Variants in PLXDC1 observed in about 807,000 individuals in gnomAD.
The protein encoded by PLXDC1 is plexin domain-containing protein 1.
PLXDC1 carries 39 observed loss-of-function variants against 61.3 expected under a neutral mutation model. The observed-to-expected ratio is 0.64, with a 90% CI of 0.49 to 0.83. The LOEUF (loss-of-function observed/expected upper bound fraction) is 0.83, where lower values mean the gene tolerates loss of function less well. Ranked by LOEUF, PLXDC1 falls within the 40% of genes least tolerant of loss-of-function variation. The pLI is 0.00. For missense variants in PLXDC1, 596 were observed against 666.5 expected (o/e 0.89, Z 1.17); for synonymous variants, 212 against 254.5 (o/e 0.83, Z 1.59).
intron 7 of PLXDC1, among the ~76,000 whole-genome samples, chr17:39,093,782 T>A (rs974379440): frequency 3.3e-5 from 5 of 152,016 alleles, no homozygotes; most frequent in African/African-American, 1.2e-4. Context: ...TGTGTTTGTC[T>A]CCTAAAGAAC....
rs780494929 is a variant in PLXDC1 at position 39,105,837 on chromosome 17, G to T, written c.811+17C>A. ...CCTACCCCCATCAAGGCCTCTGCGG[G>T]GTCCCTGAAGACTCACCTGGCACAT... On this transcript the variant is annotated intron_variant, in intron 7 of 13. Transcript: ENST00000315392. 15 of 1,556,738 alleles carry T rather than the reference G, an allele frequency of 9.6e-6. No homozygotes were observed. The Admixed American group carries it at 2.5e-4, about 26-fold the overall frequency.
chr17:39,065,762 T>C lies in PLXDC1; in HGVS notation c.*2078A>G, dbSNP rs894013429. The C allele has an allele frequency of 6.6e-6, 1 of 152,428 alleles. No homozygotes were observed. The highest frequency in any genetic ancestry group is 1.5e-5 in the Non-Finnish European group (1 of 68,242). 9.4% of individuals were successfully genotyped at this position (152,428 alleles called of 1,614,324 possible). A position where few individuals can be genotyped will look rare whatever the true frequency, so the allele number is the denominator to read the frequency against. Reference sequence around the variant, plus strand: ...TATGGAGTATGACCAGATGGAGACATGGGTCTTGTGGCCGGCCCTGCGACT... The same window carrying C: ...TATGGAGTATGACCAGATGGAGACACGGGTCTTGTGGCCGGCCCTGCGACT... On this transcript the variant is annotated 3_prime_UTR_variant, in exon 14 of 14. Coordinates refer to ENST00000315392, the MANE Select transcript of PLXDC1 (RefSeq NM_020405.5).
At chr17:39,130,092 G>A (rs1350750080) in intron 2 of PLXDC1, among the ~76,000 whole-genome samples, 1 of 152,170 alleles carries the variant, frequency 6.6e-6, no homozygotes, top group Non-Finnish European at 1.5e-5. Context: ...TGGTTGCCAG[G>A]GGTTGGGGTG....
rs1908945401 is a variant in PLXDC1 at position 39,067,651 on chromosome 17, G to A, written c.*189C>T. 1 of 536,984 alleles carries A rather than the reference G, an allele frequency of 1.9e-6. No homozygotes were observed. Among genetic ancestry groups the A allele is most frequent in the Non-Finnish European group, 3.3e-6 (1 of 301,982 alleles). 33.3% of individuals were successfully genotyped at this position (536,984 alleles called of 1,614,324 possible). On this transcript the variant is annotated 3_prime_UTR_variant, in exon 14 of 14. Coordinates refer to ENST00000315392, the MANE Select transcript of PLXDC1 (RefSeq NM_020405.5). ...GTTGTTCCTATAAAAAATCCATGTG[G>A]TTGTTTTTTGGCCCCCTCTTCAATA...
At chr17:39,125,709 A>G (rs1442343334) in intron 2 of PLXDC1, among the ~76,000 whole-genome samples, 1 of 152,164 alleles carries the variant, frequency 6.6e-6, no homozygotes, top group African/African-American at 2.4e-5. Flanking sequence ...GTCACATTTC[A>G]TGATATCAAA....
intron 7 of PLXDC1, among the ~76,000 whole-genome samples, chr17:39,090,266 A>G (rs762829964): frequency 6.6e-5 from 10 of 152,170 alleles, no homozygotes; most frequent in Non-Finnish European, 1.2e-4. Context: ...ATGTCATTCC[A>G]TGCAGTGAAA....
At chr17:39,121,015 AT>A (rs1402673287) in intron 2 of PLXDC1, among the ~76,000 whole-genome samples, 3 of 151,924 alleles carry the variant, frequency 2.0e-5, no homozygotes, top group Non-Finnish European at 2.9e-5. Flanking sequence ...TAATTTTTAA[AT>A]TTTTTGTAGA....
At position 39,101,499 on chromosome 17, in the gene PLXDC1, A is replaced by T. The variant is rs149399589; in HGVS notation, c.811+4355T>A. On this transcript the variant is annotated intron_variant, in intron 7 of 13. Coordinates refer to ENST00000315392, the MANE Select transcript of PLXDC1 (RefSeq NM_020405.5). ...AAAAAGGGAGACGGAGAAGAAGGGAAGGGAGGGTGAGGTGCGAGCCCCACA... is the reference window on the plus strand; with the variant it reads ...AAAAAGGGAGACGGAGAAGAAGGGATGGGAGGGTGAGGTGCGAGCCCCACA... 2.7e-3 allele frequency among the ~76,000 whole-genome samples: 412 copies of T among 152,282 alleles called. 2 individuals carry two copies. The highest frequency in any genetic ancestry group is 9.6e-3 in the African/African-American group (398 of 41,550).
intron 2 of PLXDC1, among the ~76,000 whole-genome samples, chr17:39,123,834 C>G (rs1008625844): frequency 6.6e-6 from 1 of 152,168 alleles, no homozygotes; most frequent in Non-Finnish European, 1.5e-5. Flanking sequence ...CACAGTCGGC[C>G]CATCACCTGC....
At chr17:39,095,797 T>C (rs946628837) in intron 7 of PLXDC1, among the ~76,000 whole-genome samples, 1 of 152,076 alleles carries the variant, frequency 6.6e-6, no homozygotes. Flanking sequence ...CCCGAGGAGC[T>C]GGGATTACAG....
At chr17:39,102,832 G>A (rs571122892) in intron 7 of PLXDC1, among the ~76,000 whole-genome samples, 11 of 152,070 alleles carry the variant, frequency 7.2e-5, no homozygotes, top group South Asian at 6.2e-4. Context: ...GAGAGATGGC[G>A]AACTGAGAGA....
At chr17:39,152,382 T>C (rs2045379926), upstream of PLXDC1, 11 of 570,010 alleles carry the variant, frequency 1.9e-5, no homozygotes, top group Non-Finnish European at 2.9e-5. Flanking sequence ...GACGAGGAAA[T>C]GGCTCACCCC....
At chr17:39,077,232 G>A (rs1909374146) in intron 11 of PLXDC1, among the ~76,000 whole-genome samples, 1 of 152,164 alleles carries the variant, frequency 6.6e-6, no homozygotes, top group Non-Finnish European at 1.5e-5. Flanking sequence ...CAGAATCCTG[G>A]AGGGGGCATG....
At chr17:39,091,958 C>CAA (rs71141756) in intron 7 of PLXDC1, among the ~76,000 whole-genome samples, 17 of 105,350 alleles carry the variant, frequency 1.6e-4, no homozygotes, top group East Asian at 8.3e-4. Flanking sequence ...GACTCTATCT[C>CAA]AAAAAAAAAA....
In PLXDC1 at chr17:39,105,857, GCA is replaced by G; in HGVS notation, c.806_807del (p.Val269AlafsTer10). On this transcript the variant is annotated frameshift_variant, in exon 7 of 14. Coordinates refer to ENST00000315392, the MANE Select transcript of PLXDC1 (RefSeq NM_020405.5). LOFTEE classifies it high-confidence loss of function. ...AFMILNPSPD[V>X]PESRRRSIFE... ...TGCGGGGTCCCTGAAGACTCACCTG[GCA>G]CATCCGGGGATGGATTGAGAATCAT... The G allele has an allele frequency of 6.2e-7, 1 of 1,608,688 alleles. No individual in the cohort carries two copies. The highest frequency in any genetic ancestry group is 8.5e-7 in the Non-Finnish European group (1 of 1,175,316).
intron 7 of PLXDC1, among the ~76,000 whole-genome samples, chr17:39,098,153 C>T (rs948883130): frequency 1.4e-5 from 2 of 143,454 alleles, no homozygotes; most frequent in Admixed American, 7.5e-5. Flanking sequence ...TGCAGTGAGC[C>T]GAGATTGCGC....
intron 5 of PLXDC1, 55 bp from the exon 6 acceptor site, chr17:39,107,580 C>T (rs1394726544): frequency 1.5e-6 from 2 of 1,318,310 alleles, no homozygotes; most frequent in Non-Finnish European, 2.2e-6. Flanking sequence ...GGAGCAGGGC[C>T]CTACAGAAAT....
chr17:39,139,920 C>T, intron 1 of PLXDC1, 88 bp from the exon 2 acceptor site: 1 of 1,275,678 alleles, frequency 7.8e-7, no homozygotes, highest in Non-Finnish European at 1.1e-6. Flanking sequence ...GCAAGGGCCC[C>T]AACACCATGC....
intron 9 of PLXDC1, among the ~76,000 whole-genome samples, chr17:39,083,063 A>G (rs1042437980): frequency 6.6e-6 from 1 of 152,134 alleles, no homozygotes; most frequent in Non-Finnish European, 1.5e-5. Flanking sequence ...CAGTTCTCAC[A>G]CTTGTTTGCA....
Sources: allele counts gnomAD v4.1 joint callset (sites outside exome capture counted in the v4.1 genomes callset), GRCh38; gene constraint gnomAD v4.1.1; transcripts MANE v1.5; gene names NCBI Gene and HGNC (gene_info 2026-07-23, HGNC 2026-07-21).